Variants in NELL1 observed in about 807,000 individuals in gnomAD.
NELL1 encodes protein kinase C-binding protein NELL1.
In NELL1, 76 loss-of-function variants were observed where a neutral mutation model predicts 107.4. That is an observed-to-expected ratio of 0.71 (90% CI 0.59 to 0.86). The LOEUF (loss-of-function observed/expected upper bound fraction) is 0.86. Among genes scored for constraint, NELL1 ranks in the 40% least tolerant of loss-of-function variants. The pLI, the probability that NELL1 is intolerant of heterozygous loss-of-function variation, is 0.00. For missense variants in NELL1, 1,024 were observed against 1,005.5 expected, an observed-to-expected ratio of 1.02 and a Z score of -0.25; for synonymous variants, 353 against 341.2, an observed-to-expected ratio of 1.03 and a Z score of -0.38.
chr11:21,110,517 G>A (rs151155361), intron 12 of NELL1, among the ~76,000 whole-genome samples: 1 of 152,086 alleles, frequency 6.6e-6, no homozygotes, highest in Non-Finnish European at 1.5e-5. Flanking sequence ...TCTAGATGAG[G>A]CAGAGGCCTC....
chr11:21,400,415 A>G (rs1169698728), intron 15 of NELL1, among the ~76,000 whole-genome samples: 2 of 151,884 alleles, frequency 1.3e-5, no homozygotes, highest in African/African-American at 2.4e-5. Context: ...TTTAGAGCCA[A>G]TTAGGAAACG....
intron 2 of NELL1, among the ~76,000 whole-genome samples, chr11:20,696,393 G>A (rs1375519197): frequency 6.6e-6 from 1 of 151,964 alleles, no homozygotes; most frequent in African/African-American, 2.4e-5. Flanking sequence ...GTTACTCTGG[G>A]TGTGATGTTA....
At chr11:20,867,727 G>T (rs1041262344) in intron 4 of NELL1, among the ~76,000 whole-genome samples, 9 of 152,136 alleles carry the variant, frequency 5.9e-5, no homozygotes, top group Admixed American at 5.2e-4. Flanking sequence ...ATTTGTTTCT[G>T]CCTATGCCAA....
intron 2 of NELL1, among the ~76,000 whole-genome samples, chr11:20,708,819 C>T (rs191655225): frequency 1.5e-4 from 23 of 152,162 alleles, no homozygotes; most frequent in South Asian, 4.1e-4. Flanking sequence ...AACAGTGGTC[C>T]GCAAACTTTT....
intron 15 of NELL1, among the ~76,000 whole-genome samples, chr11:21,473,950 G>A (rs1265271841): frequency 1.3e-5 from 2 of 152,014 alleles, no homozygotes. Flanking sequence ...TTTACCATAA[G>A]AGGAATAAGA....
intron 14 of NELL1, among the ~76,000 whole-genome samples, chr11:21,338,710 T>A (rs994933393): frequency 1.6e-4 from 25 of 152,116 alleles, no homozygotes; most frequent in African/African-American, 5.8e-4. Flanking sequence ...TTTTTTTTGT[T>A]CAATGTCTGA....
Position 20,847,709 on chromosome 11 carries a change from G to A in NELL1, c.462G>A (p.Leu154=). The change falls in exon 4 of 20, where the codon CTG becomes CTA. Residue 154 remains leucine, a synonymous_variant. Coordinates refer to ENST00000357134, the MANE Select transcript of NELL1 (RefSeq NM_006157.5). ...MADGQWHKVA[L]SVSASHLLLH... ...ATGGACAATGGCACAAGGTTGCACT[G>A]TCAGTTAGCGCCTCTCATCTCCTGC... 6 of 1,613,354 alleles carry A rather than the reference G, an allele frequency of 3.7e-6. No individual in the cohort carries two copies. Among genetic ancestry groups the A allele is most frequent in the Non-Finnish European group, 5.1e-6 (6 of 1,179,652 alleles).
intron 15 of NELL1, among the ~76,000 whole-genome samples, chr11:21,445,069 T>C (rs921345010): frequency 5.3e-5 from 8 of 152,184 alleles, no homozygotes; most frequent in African/African-American, 1.9e-4. Context: ...GTCTATACTT[T>C]GTCTCCCCAT....
At chr11:21,370,783 C>T (rs1194392898) in intron 14 of NELL1, 70 bp from the exon 15 acceptor site, 4 of 1,185,190 alleles carry the variant, frequency 3.4e-6, no homozygotes, top group African/African-American at 1.5e-5. Context: ...TGCTTCAGTG[C>T]TCCTGCTGTT....
At chr11:21,093,752 ACCAT>A (rs1854575090) in intron 12 of NELL1, among the ~76,000 whole-genome samples, 1 of 152,142 alleles carries the variant, frequency 6.6e-6, no homozygotes, top group African/African-American at 2.4e-5. Context: ...TGTTTTTAAA[ACCAT>A]CAGATCTCAT....
At chr11:21,091,374 G>A (rs543292258) in intron 12 of NELL1, among the ~76,000 whole-genome samples, 5 of 152,172 alleles carry the variant, frequency 3.3e-5, no homozygotes, top group Admixed American at 6.5e-5. Flanking sequence ...GGGACTCAGC[G>A]AATAAAGTTA....
At chr11:21,491,077 A>C (rs1431526081) in intron 15 of NELL1, among the ~76,000 whole-genome samples, 5 of 152,138 alleles carry the variant, frequency 3.3e-5, no homozygotes, top group African/African-American at 1.2e-4. Context: ...AGAATATTCA[A>C]GGAACTCAAA....
intron 15 of NELL1, among the ~76,000 whole-genome samples, chr11:21,473,705 T>C (rs7935136): frequency 0.88 from 132,903 of 151,718 alleles, 58,259 homozygotes; most frequent in East Asian, 0.98. Context: ...AGATAATTTG[T>C]ATGCGATCAG....
At chr11:21,136,518 G>A (rs1358770770) in intron 13 of NELL1, among the ~76,000 whole-genome samples, 9 of 152,150 alleles carry the variant, frequency 5.9e-5, no homozygotes, top group East Asian at 1.9e-4. Context: ...TTGAGGTAGA[G>A]TAAGGGTAGT....
chr11:21,283,718 A>G (rs1185214642), intron 14 of NELL1: 1 of 165,186 alleles, frequency 6.1e-6, no homozygotes, highest in Non-Finnish European at 1.3e-5. Flanking sequence ...CAAGGAAGCT[A>G]GTTCAAAGCC....
intron 17 of NELL1, among the ~76,000 whole-genome samples, chr11:21,568,396 G>A (rs1857020653): frequency 6.6e-6 from 1 of 151,756 alleles, no homozygotes; most frequent in Admixed American, 6.6e-5. Flanking sequence ...ATATTACTGT[G>A]CACTTCTGTA....
intron 13 of NELL1, among the ~76,000 whole-genome samples, chr11:21,210,391 A>T (rs1857473786): frequency 6.6e-6 from 1 of 152,036 alleles, no homozygotes; most frequent in African/African-American, 2.4e-5. Context: ...TTGCCAACTT[A>T]TTGTTATCTA....
At chr11:21,261,408 AGTTTT>A (rs2133922825) in intron 14 of NELL1, among the ~76,000 whole-genome samples, 1 of 151,650 alleles carries the variant, frequency 6.6e-6, no homozygotes, top group African/African-American at 2.4e-5. Context: ...CTGTTGCTTT[AGTTTT>A]ATTTCTTTTA....
intron 15 of NELL1, among the ~76,000 whole-genome samples, chr11:21,503,848 C>A (rs1855212800): frequency 6.6e-6 from 1 of 151,928 alleles, no homozygotes; most frequent in South Asian, 2.1e-4. Flanking sequence ...ATAGCTGCAA[C>A]ACTTGGCTTT....
Sources: gnomAD v4.1 joint callset for allele counts (sites outside exome capture counted in the v4.1 genomes callset) on GRCh38, gnomAD v4.1.1 for gene constraint, MANE v1.5 for transcripts, NCBI Gene and HGNC (gene_info 2026-07-23, HGNC 2026-07-21) for gene names.